The following CLVS1 variants were observed in gnomAD, a reference collection of about 807,000 sequenced individuals.
CLVS1 encodes clavesin-1.
CLVS1 carries 10 observed loss-of-function variants against 33.1 expected under a neutral mutation model. The observed-to-expected ratio is 0.30, with a 90% confidence interval of 0.19 to 0.51. The LOEUF (loss-of-function observed/expected upper bound fraction) is 0.51, where lower values mean the gene tolerates loss of function less well. Ranked by LOEUF, CLVS1 falls within the 20% of genes least tolerant of loss-of-function variation. CLVS1 has a pLI of 0.97. For synonymous variants in CLVS1, 163 were observed against 166.1 expected (o/e 0.98, Z 0.14); for missense variants, 343 against 433.4 (o/e 0.79, Z 1.85).
chr8:61,394,208 A>G (rs1814425274), intron 3 of CLVS1, among the ~76,000 whole-genome samples: 1 of 152,190 alleles, frequency 6.6e-6, no homozygotes, highest in Admixed American at 6.5e-5. Context: ...AATGGAATGC[A>G]GGCGGTTGTT....
At chr8:61,002,283 A>G in the CLVS1 span, among the ~76,000 whole-genome samples, 2 of 149,484 alleles carry the variant, frequency 1.3e-5, no homozygotes, top group African/African-American at 4.9e-5. Context: ...CACCCAGCTG[A>G]TCAATCCACT....
intron 2 of CLVS1, among the ~76,000 whole-genome samples, chr8:61,355,554 T>C (rs1812661687): frequency 6.6e-6 from 1 of 152,096 alleles, no homozygotes; most frequent in Non-Finnish European, 1.5e-5. Flanking sequence ...CCTAAAGCTA[T>C]CTCTCCCCTC....
intron 2 of CLVS1, among the ~76,000 whole-genome samples, chr8:61,356,161 C>A (rs1280006626): frequency 1.3e-5 from 2 of 151,796 alleles, no homozygotes; most frequent in African/African-American, 4.8e-5. Context: ...TCTCTGATGG[C>A]CAGTGATGAT....
intron 5 of CLVS1, among the ~76,000 whole-genome samples, chr8:61,459,245 A>G (rs551174929): frequency 2.0e-5 from 3 of 152,330 alleles, no homozygotes; most frequent in African/African-American, 7.2e-5. Flanking sequence ...CCAAGTGGTG[A>G]AGACCATTGC....
intron 2 of CLVS1, among the ~76,000 whole-genome samples, chr8:61,192,073 A>T (rs979700310): frequency 2.0e-5 from 3 of 152,242 alleles, no homozygotes; most frequent in African/African-American, 7.2e-5. Flanking sequence ...TGCCAAGACA[A>T]TCCTAAGCCA....
chr8:61,348,929 G>A (rs1346632616), intron 2 of CLVS1, among the ~76,000 whole-genome samples: 1 of 152,150 alleles, frequency 6.6e-6, no homozygotes, highest in Non-Finnish European at 1.5e-5. Flanking sequence ...AAGGTATGAA[G>A]TAATATTACA....
intron 2 of CLVS1, among the ~76,000 whole-genome samples, chr8:61,208,396 C>T (rs1332538822): frequency 1.3e-5 from 2 of 152,114 alleles, no homozygotes; most frequent in South Asian, 2.1e-4. Flanking sequence ...ATATTACATT[C>T]TTAGTCTTTC....
At chr8:61,205,337 C>T (rs558500653) in intron 2 of CLVS1, among the ~76,000 whole-genome samples, 9 of 152,318 alleles carry the variant, frequency 5.9e-5, no homozygotes, top group African/African-American at 2.2e-4. Flanking sequence ...CTGGCAACCA[C>T]CACTCTACTT....
intron 2 of CLVS1, among the ~76,000 whole-genome samples, chr8:61,340,543 T>C (rs1289272263): frequency 6.7e-6 from 1 of 149,994 alleles, no homozygotes; most frequent in African/African-American, 2.5e-5. Flanking sequence ...CTGAATAGTA[T>C]TCATATATAT....
chr8:61,167,374 G>A (rs372609307), intron 2 of CLVS1, among the ~76,000 whole-genome samples: 2 of 151,996 alleles, frequency 1.3e-5, no homozygotes, highest in South Asian at 4.2e-4. Context: ...TAGAGACGGG[G>A]TTTCTCCATG....
intron 2 of CLVS1, among the ~76,000 whole-genome samples, chr8:61,322,470 C>A (rs1585800072): frequency 6.6e-6 from 1 of 152,164 alleles, no homozygotes; most frequent in Non-Finnish European, 1.5e-5. Context: ...CTCTCCTGCA[C>A]AACTGCCCCT....
At chr8:61,174,419 G>C (rs1299422204) in intron 2 of CLVS1, among the ~76,000 whole-genome samples, 2 of 148,594 alleles carry the variant, frequency 1.3e-5, no homozygotes, top group Non-Finnish European at 3.0e-5. Context: ...CTGGGCAACA[G>C]AGTGAGACTG....
chr8:61,139,905 G>T (rs958340181), intron 2 of CLVS1, among the ~76,000 whole-genome samples: 1 of 152,112 alleles, frequency 6.6e-6, no homozygotes, highest in African/African-American at 2.4e-5. Flanking sequence ...CTCTCTATTT[G>T]GCCAGAAGGG....
At chr8:61,257,933 A>C (rs1224700082) in intron 2 of CLVS1, among the ~76,000 whole-genome samples, 2 of 152,090 alleles carry the variant, frequency 1.3e-5, no homozygotes, top group African/African-American at 2.4e-5. Flanking sequence ...GGTGGCTATT[A>C]ATGTCAATGG....
At chr8:61,220,782 C>CT (rs1237146371) in intron 2 of CLVS1, among the ~76,000 whole-genome samples, 1 of 152,068 alleles carries the variant, frequency 6.6e-6, no homozygotes, top group Non-Finnish European at 1.5e-5. Context: ...TTGATTCTTC[C>CT]TATCCATGAG....
At chr8:61,329,029 A>C (rs1453293583) in intron 2 of CLVS1, among the ~76,000 whole-genome samples, 2 of 152,244 alleles carry the variant, frequency 1.3e-5, no homozygotes, top group Admixed American at 6.5e-5. Flanking sequence ...CTTTATTTGC[A>C]TTTAAATAGT....
intron 2 of CLVS1, among the ~76,000 whole-genome samples, chr8:61,192,589 A>G (rs568496875): frequency 1.3e-5 from 2 of 152,354 alleles, no homozygotes; most frequent in African/African-American, 4.8e-5. Context: ...GGCAACCTAC[A>G]GAATGGGAGA....
At chr8:61,430,681 T>C (rs1277358997) in intron 3 of CLVS1, among the ~76,000 whole-genome samples, 2 of 152,226 alleles carry the variant, frequency 1.3e-5, no homozygotes, top group African/African-American at 4.8e-5. Flanking sequence ...TGCCAGGTCC[T>C]GCTCTCAGGA....
Position 61,395,228 on chromosome 8 carries a change from G to A in CLVS1, c.630+18449G>A, listed in dbSNP as rs114275415. Among the ~76,000 whole-genome samples the A allele has an allele frequency of 5.8e-3, 879 of 152,196 alleles. 11 individuals are homozygous for A. Among genetic ancestry groups the A allele is most frequent in the African/African-American group, 0.02 (832 of 41,532 alleles). On this transcript the variant is annotated intron_variant, in intron 3 of 5. Transcript: ENST00000325897. ...GACAGAAAGACAAATATCATATGAA[G>A]TCACATGTGGAAACTCAAAAAGGCA... is the stretch of plus-strand genomic sequence containing the variant.
Sources: allele counts gnomAD v4.1 joint callset (sites outside exome capture counted in the v4.1 genomes callset), GRCh38; gene constraint gnomAD v4.1.1; transcripts MANE v1.5; gene names NCBI Gene and HGNC (gene_info 2026-07-23, HGNC 2026-07-21).